Variants in SLC8A3 observed in about 807,000 individuals in gnomAD.
SLC8A3 encodes the protein sodium/calcium exchanger 3.
A neutral mutation model predicts 65.4 loss-of-function variants in SLC8A3; 37 were observed. The observed-to-expected ratio is 0.57, with a 90% confidence interval of 0.44 to 0.74. The LOEUF is 0.74. Among genes scored for constraint, SLC8A3 ranks in the 30% least tolerant of loss-of-function variants. SLC8A3 has a pLI of 0.00. For missense variants in SLC8A3, 1,112 were observed against 1,172.1 expected (o/e 0.95, Z 0.75); for synonymous variants, 461 against 444.5 (o/e 1.04, Z -0.47).
At chr14:70,067,503 A>G (rs554029740) in intron 2 of SLC8A3, among the ~76,000 whole-genome samples, 6 of 152,350 alleles carry the variant, frequency 3.9e-5, no homozygotes, top group South Asian at 2.1e-4. Flanking sequence ...CAGTAGTCCC[A>G]GTGCCCAGCA....
At chr14:70,137,733 A>T (rs1895297981) in intron 2 of SLC8A3, among the ~76,000 whole-genome samples, 1 of 149,766 alleles carries the variant, frequency 6.7e-6, no homozygotes, top group African/African-American at 2.5e-5. Flanking sequence ...AAATACAATG[A>T]TCTGCTCCAA....
chr14:70,078,846 G>A (rs1033699557), intron 2 of SLC8A3, among the ~76,000 whole-genome samples: 2 of 152,194 alleles, frequency 1.3e-5, no homozygotes, highest in Non-Finnish European at 2.9e-5. Context: ...GAATGGATCT[G>A]CAGGGTCTAC....
At chr14:70,171,436 G>T (rs763813941) in intron 1 of SLC8A3, among the ~76,000 whole-genome samples, 3 of 152,176 alleles carry the variant, frequency 2.0e-5, no homozygotes, top group Non-Finnish European at 2.9e-5. Context: ...GCTATCATAT[G>T]ATCAGAATCA....
At chr14:70,049,381 G>A (rs1887197332) in intron 5 of SLC8A3, among the ~76,000 whole-genome samples, 1 of 152,162 alleles carries the variant, frequency 6.6e-6, no homozygotes, top group Admixed American at 6.5e-5. Flanking sequence ...ACTAACACAA[G>A]AACAGAAAAC....
At chr14:70,164,171 T>C (rs1897039952) in intron 2 of SLC8A3, among the ~76,000 whole-genome samples, 1 of 152,158 alleles carries the variant, frequency 6.6e-6, no homozygotes, top group African/African-American at 2.4e-5. Flanking sequence ...ATTATCCCCA[T>C]TTTGCCAATG....
intron 4 of SLC8A3, among the ~76,000 whole-genome samples, chr14:70,051,671 A>G (rs17107706): frequency 0.014 from 2,176 of 152,296 alleles, 35 homozygotes; most frequent in African/African-American, 0.038. Flanking sequence ...ATGTTAATAT[A>G]TCTTGCCCTG....
chr14:70,167,045 T>A lies in SLC8A3; in HGVS notation c.1378A>T (p.Thr460Ser). The A allele has an allele frequency of 6.2e-7, 1 of 1,613,842 alleles. No individual in the cohort carries two copies. The highest frequency in any genetic ancestry group is 8.5e-7 in the Non-Finnish European group (1 of 1,179,988). ...EGTVVLKPGE[T>S]QKEFSVGIID... ...ATGCCCACGGAGAACTCCTTCTGGGTCTCTCCTGGCTTCAGAACCACCGTG... is the reference window on the plus strand; with the variant it reads ...ATGCCCACGGAGAACTCCTTCTGGGACTCTCCTGGCTTCAGAACCACCGTG... The change falls in exon 2 of 7, where the codon ACC (threonine) becomes TCC (serine). Residue 460 changes from threonine (T) to serine (S), a missense_variant. Physicochemically the swap from Thr to Ser is moderately conservative, Grantham distance 58. Transcript: ENST00000356921.
At chr14:70,123,752 G>C (rs1403646265) in intron 2 of SLC8A3, among the ~76,000 whole-genome samples, 1 of 152,072 alleles carries the variant, frequency 6.6e-6, no homozygotes, top group South Asian at 2.1e-4. Flanking sequence ...GCCCAGCCCA[G>C]CTTTTTTTCT....
intron 2 of SLC8A3, among the ~76,000 whole-genome samples, chr14:70,148,169 G>A (rs1332222163): frequency 6.6e-6 from 1 of 152,100 alleles, no homozygotes; most frequent in African/African-American, 2.4e-5. Flanking sequence ...ATATGTTTTT[G>A]TCCACTTGTA....
At chr14:70,120,800 C>T (rs1371636769) in intron 2 of SLC8A3, among the ~76,000 whole-genome samples, 1 of 152,176 alleles carries the variant, frequency 6.6e-6, no homozygotes, top group East Asian at 1.9e-4. Flanking sequence ...TTCGTTCATT[C>T]AACAAACATT....
In SLC8A3 at chr14:70,072,797, G is replaced by A. The variant is rs145409395; in HGVS notation, c.1785-11858C>T. ...CGAGTAGCTGGGATTACAGGCATGC[G>A]CCACTAAACCCAGCTAATTTTTGTA... is the stretch of plus-strand genomic sequence containing the variant. On this transcript the variant is annotated intron_variant, in intron 2 of 6. Transcript: ENST00000356921. 4.0e-3 allele frequency among the ~76,000 whole-genome samples: 609 copies of A among 152,182 alleles called. 3 individuals are homozygous for A. The highest frequency in any genetic ancestry group is 7.0e-3 in the Non-Finnish European group (478 of 68,008).
At chr14:70,110,558 T>C (rs555848747) in intron 2 of SLC8A3, among the ~76,000 whole-genome samples, 13 of 152,298 alleles carry the variant, frequency 8.5e-5, no homozygotes, top group African/African-American at 3.1e-4. Flanking sequence ...CTCCATTGTA[T>C]ATATGTACCA....
chr14:70,169,173 C>T (rs1352409931), intron 1 of SLC8A3, among the ~76,000 whole-genome samples: 1 of 152,124 alleles, frequency 6.6e-6, no homozygotes, highest in Non-Finnish European at 1.5e-5. Context: ...ACTGAGCTCC[C>T]TTGGAAAGAA....
At chr14:70,122,488 CTG>C (rs1894141567) in intron 2 of SLC8A3, among the ~76,000 whole-genome samples, 1 of 152,110 alleles carries the variant, frequency 6.6e-6, no homozygotes, top group South Asian at 2.1e-4. Flanking sequence ...CTTCCTGGCT[CTG>C]TGACCAGGAT....
At chr14:70,080,987 C>A (rs184180626) in intron 2 of SLC8A3, among the ~76,000 whole-genome samples, 11 of 152,310 alleles carry the variant, frequency 7.2e-5, no homozygotes, top group Admixed American at 6.5e-4. Context: ...TGAACTCAAG[C>A]CACCTGGACT....
intron 2 of SLC8A3, among the ~76,000 whole-genome samples, chr14:70,117,980 G>A (rs948619843): frequency 3.3e-5 from 5 of 152,144 alleles, no homozygotes; most frequent in East Asian, 1.9e-4. Flanking sequence ...TCTGCCTTGC[G>A]CCTGACCCTG....
At chr14:70,075,544 G>A (rs1423916599) in intron 2 of SLC8A3, among the ~76,000 whole-genome samples, 1 of 152,136 alleles carries the variant, frequency 6.6e-6, no homozygotes, top group Non-Finnish European at 1.5e-5. Flanking sequence ...GCTTGCGTGA[G>A]TGGCCCGCGC....
chr14:70,153,512 G>T (rs914235227), intron 2 of SLC8A3, among the ~76,000 whole-genome samples: 1 of 152,112 alleles, frequency 6.6e-6, no homozygotes, highest in Non-Finnish European at 1.5e-5. Context: ...AAAACAAGAA[G>T]GGGGTGTTGC....
intron 2 of SLC8A3, chr14:70,063,871 A>T: frequency 6.2e-7 from 1 of 1,612,986 alleles, no homozygotes; most frequent in Non-Finnish European, 8.5e-7. Flanking sequence ...ATCTCAATGA[A>T]GTAATTCTTG....
Sources: gnomAD v4.1 joint callset for allele counts (sites outside exome capture counted in the v4.1 genomes callset) on GRCh38, gnomAD v4.1.1 for gene constraint, MANE v1.5 for transcripts, NCBI Gene and HGNC (gene_info 2026-07-23, HGNC 2026-07-21) for gene names.